The following KCNJ6 variants were observed in gnomAD, a reference collection of about 807,000 sequenced individuals.
KCNJ6 encodes G protein-activated inward rectifier potassium channel 2.
A neutral mutation model predicts 34.2 loss-of-function variants in KCNJ6; 9 were observed. That is an observed-to-expected ratio of 0.26 (90% CI 0.16 to 0.46). KCNJ6 has a LOEUF of 0.46. Among genes scored for constraint, KCNJ6 ranks in the 20% least tolerant of loss-of-function variants. The pLI, the probability that KCNJ6 is intolerant of heterozygous loss-of-function variation, is 1.00. For synonymous variants in KCNJ6, 196 were observed against 207.1 expected (o/e 0.95, Z 0.46); for missense variants, 236 against 531.3 (o/e 0.44, Z 5.46).
chr21:37,738,652 A>G (rs965233450), intron 2 of KCNJ6, among the ~76,000 whole-genome samples: 5 of 152,216 alleles, frequency 3.3e-5, no homozygotes, highest in African/African-American at 9.6e-5. Flanking sequence ...TGGTGCTCCC[A>G]GTCTTAGTGC....
intron 1 of KCNJ6, among the ~76,000 whole-genome samples, chr21:37,848,826 T>C (rs2055523219): frequency 6.6e-6 from 1 of 152,200 alleles, no homozygotes; most frequent in African/African-American, 2.4e-5. Context: ...ACCACATGGC[T>C]GCCAGAGTTT....
intron 3 of KCNJ6, among the ~76,000 whole-genome samples, chr21:37,688,308 C>T (rs1022482430): frequency 6.6e-5 from 10 of 152,080 alleles, no homozygotes; most frequent in Non-Finnish European, 1.0e-4. Flanking sequence ...TTTGAACCAT[C>T]TGTCATTTTA....
At chr21:37,740,601 C>CA (rs565470742) in intron 2 of KCNJ6, among the ~76,000 whole-genome samples, 45 of 152,316 alleles carry the variant, frequency 3.0e-4, no homozygotes, top group Admixed American at 7.2e-4. Flanking sequence ...TGTATCAAAC[C>CA]AAGCTGCACC....
intron 1 of KCNJ6, among the ~76,000 whole-genome samples, chr21:37,889,494 G>A (rs1236373226): frequency 2.0e-5 from 3 of 152,152 alleles, no homozygotes; most frequent in Non-Finnish European, 4.4e-5. Context: ...TTTTGCCCAG[G>A]GCCGGCTGAC....
At chr21:37,897,532 C>T (rs2055794916) in intron 1 of KCNJ6, among the ~76,000 whole-genome samples, 1 of 152,240 alleles carries the variant, frequency 6.6e-6, no homozygotes, top group African/African-American at 2.4e-5. Context: ...GAGAGGCCAC[C>T]TATGGTCCTG....
At position 37,899,000 on chromosome 21, in the gene KCNJ6, A is replaced by G. The variant is rs560069654; in HGVS notation, c.-28+16884T>C. Among the ~76,000 whole-genome samples, 14 of 152,356 alleles carry G rather than the reference A, an allele frequency of 9.2e-5. No homozygotes were observed. In the East Asian group the frequency reaches 2.3e-3, roughly 25 times the overall value. On this transcript the variant is annotated intron_variant, in intron 1 of 3. Transcript: ENST00000609713. Reference sequence around the variant, plus strand: ...TGCTTTAACAAGAAAATATTATCCAATGTTTTAAAATAAGAAAGGTTAAAA... The same window carrying G: ...TGCTTTAACAAGAAAATATTATCCAGTGTTTTAAAATAAGAAAGGTTAAAA...
At position 37,627,678 on chromosome 21, in the gene KCNJ6, T is replaced by C. The variant is rs116061247; in HGVS notation, c.947-2194A>G. Reference sequence around the variant, plus strand: ...CAGGGAGCTTTGGAAAGCTCTGACATATTCCTGAGAAACTAGAAGACCACA... The same window carrying C: ...CAGGGAGCTTTGGAAAGCTCTGACACATTCCTGAGAAACTAGAAGACCACA... On this transcript the variant is annotated intron_variant, in intron 3 of 3. Transcript: ENST00000609713. Among the ~76,000 whole-genome samples the C allele has an allele frequency of 6.0e-3, 916 of 152,300 alleles. 6 individuals are homozygous for C. The highest frequency in any genetic ancestry group is 0.021 in the African/African-American group (869 of 41,558).
chr21:37,811,573 G>T (rs1306222345), intron 2 of KCNJ6, among the ~76,000 whole-genome samples: 1 of 152,146 alleles, frequency 6.6e-6, no homozygotes, highest in African/African-American at 2.4e-5. Flanking sequence ...CACATCTGGT[G>T]TCAGAAGTGT....
At chr21:37,689,696 A>G (rs116734279) in intron 3 of KCNJ6, among the ~76,000 whole-genome samples, 3,103 of 152,214 alleles carry the variant, frequency 0.02, 105 homozygotes, top group African/African-American at 0.071. Flanking sequence ...CAGACAAATG[A>G]CATGTCATGC....
At chr21:37,812,365 A>G (rs1439490467) in intron 2 of KCNJ6, among the ~76,000 whole-genome samples, 3 of 152,200 alleles carry the variant, frequency 2.0e-5, no homozygotes, top group East Asian at 1.9e-4. Context: ...GGTAGCTGAG[A>G]AAAGAAAAGT....
chr21:37,692,145 T>C (rs1443549016), intron 3 of KCNJ6, among the ~76,000 whole-genome samples: 1 of 152,126 alleles, frequency 6.6e-6, no homozygotes, highest in South Asian at 2.1e-4. Context: ...CAAACCACCA[T>C]GGCACATGTA....
At position 37,714,033 on chromosome 21, in the gene KCNJ6, G is replaced by A. The variant is rs768996475; in HGVS notation, c.946+178C>T. ...GGGCTTTAAAAAACTAAATGGTTAGGCTTCTTGGTGGATATACTTCAGGTG... is the reference window on the plus strand; with the variant it reads ...GGGCTTTAAAAAACTAAATGGTTAGACTTCTTGGTGGATATACTTCAGGTG... On this transcript the variant is annotated intron_variant, in intron 3 of 3. Transcript: ENST00000609713. The surrounding 1 kb of genome is among the most constrained non-coding windows in gnomAD (Gnocchi z 5.9). Among the ~76,000 whole-genome samples, 6 of 151,986 alleles carry A rather than the reference G, an allele frequency of 3.9e-5. No homozygotes were observed. Among genetic ancestry groups the A allele is most frequent in the Admixed American group, 1.3e-4 (2 of 15,264 alleles).
chr21:37,635,801 G>A lies in KCNJ6; in HGVS notation c.947-10317C>T, dbSNP rs140759038. On this transcript the variant is annotated intron_variant, in intron 3 of 3. Coordinates refer to ENST00000609713, the MANE Select transcript of KCNJ6 (RefSeq NM_002240.5). ...CAAAGTGTTGGGATTACAGGCATGC[G>A]CCACCACACCCAGCTAAATTACAAG... 5.3e-5 allele frequency among the ~76,000 whole-genome samples: 8 copies of A among 152,316 alleles called. No individual in the cohort carries two copies. In the South Asian group the frequency reaches 8.3e-4, roughly 16 times the overall value.
At chr21:37,762,649 G>A (rs1180957101) in intron 2 of KCNJ6, among the ~76,000 whole-genome samples, 4 of 152,112 alleles carry the variant, frequency 2.6e-5, no homozygotes, top group Non-Finnish European at 2.9e-5. Context: ...GGACATTCGA[G>A]TGGGCTCACC....
In KCNJ6 at chr21:37,879,899, GT is replaced by G. The variant is rs550063550; in HGVS notation, c.-28+35984del. ...ATTTTCTATAGGGTCCAAAACGGAAGTAAAAAAACCCTTTGACTCACCTATA... is the reference window on the plus strand; with the variant it reads ...ATTTTCTATAGGGTCCAAAACGGAAGAAAAAAACCCTTTGACTCACCTATA... On this transcript the variant is annotated intron_variant, in intron 1 of 3. Coordinates refer to ENST00000609713, the MANE Select transcript of KCNJ6 (RefSeq NM_002240.5). 4.6e-3 allele frequency among the ~76,000 whole-genome samples: 703 copies of G among 151,904 alleles called. 3 individuals are homozygous for G. The highest frequency in any genetic ancestry group is 0.014 in the Middle Eastern group (4 of 292).
intron 2 of KCNJ6, among the ~76,000 whole-genome samples, chr21:37,760,618 C>A (rs1000649774): frequency 2.0e-5 from 3 of 152,224 alleles, no homozygotes; most frequent in African/African-American, 4.8e-5. Flanking sequence ...CCAGCTGTCA[C>A]GAGCCAGTAC....
At chr21:37,693,347 C>T (rs1324252910) in intron 3 of KCNJ6, among the ~76,000 whole-genome samples, 3 of 152,162 alleles carry the variant, frequency 2.0e-5, no homozygotes, top group Non-Finnish European at 4.4e-5. Context: ...TTCTCTGTCA[C>T]AAGGAGGGGC....
chr21:37,728,065 A>G (rs1359961245), intron 2 of KCNJ6, among the ~76,000 whole-genome samples: 1 of 152,254 alleles, frequency 6.6e-6, no homozygotes, highest in African/African-American at 2.4e-5. Flanking sequence ...GTGTCCATCA[A>G]CAGAAAAATG....
chr21:37,776,905 A>G (rs2055145318), intron 2 of KCNJ6, among the ~76,000 whole-genome samples: 2 of 152,182 alleles, frequency 1.3e-5, no homozygotes, highest in Admixed American at 1.3e-4. Context: ...ATTGATTGGA[A>G]TAGTTTCAGA....
Sources: gnomAD v4.1 joint callset for allele counts (sites outside exome capture counted in the v4.1 genomes callset) on GRCh38, gnomAD v4.1.1 for gene constraint, Gnocchi (gnomAD v3.1) non-coding constraint, MANE v1.5 for transcripts, NCBI Gene and HGNC (gene_info 2026-07-23, HGNC 2026-07-21) for gene names.